The following MGAM variants were observed in gnomAD, a reference collection of about 807,000 sequenced individuals.
The protein encoded by MGAM is alpha-1,4-glucosidase.
In MGAM, 253 loss-of-function variants were observed where a neutral mutation model predicts 358.8. That is an observed-to-expected ratio of 0.71 (90% CI 0.64 to 0.78). The LOEUF (loss-of-function observed/expected upper bound fraction) is 0.78, where lower values mean the gene tolerates loss of function less well. Among genes scored for constraint, MGAM ranks in the 30% least tolerant of loss-of-function variants. The pLI, the probability that MGAM is intolerant of heterozygous loss-of-function variation, is 0.00. For missense variants in MGAM, 3,080 were observed against 3,432.6 expected (o/e 0.90, Z 2.57); for synonymous variants, 1,105 against 1,227.1 (o/e 0.90, Z 2.08).
In MGAM at chr7:142,093,356, G is replaced by A. The variant is rs1815576133; in HGVS notation, c.7034-56G>A. 6.0e-6 allele frequency: 9 copies of A among 1,494,622 alleles called. 2 individuals carry two copies. The highest frequency in any genetic ancestry group is 3.6e-5 in the South Asian group (3 of 82,954). The allele number at this position is 1,494,622 out of a possible 1,614,324, so 92.6% of individuals were successfully genotyped here. A position where few individuals can be genotyped will look rare whatever the true frequency, so the allele number is the denominator to read the frequency against. ...CCAGGGCCCAGTCCCTTGAAGAGAA[G>A]TCAGGGAGAAACAGAATCAGGGCTG... is the stretch of plus-strand genomic sequence containing the variant. On this transcript the variant is annotated intron_variant, in intron 59 of 70. Coordinates refer to ENST00000475668, the MANE Select transcript of MGAM (RefSeq NM_001365693.1).
Position 142,056,103 on chromosome 7 carries a change from C to A in MGAM, c.3580+7C>A, listed in dbSNP as rs1355773497. The A allele has an allele frequency of 9.4e-6, 15 of 1,594,512 alleles. No homozygotes were observed. The highest frequency in any genetic ancestry group is 1.3e-5 in the Non-Finnish European group (15 of 1,169,952). ...CTGAACAGCAATGCCATGGGTAAGG[C>A]CATCAGCACCTCCCTTATTTTGGGG... On this transcript the variant is annotated splice_region_variant and intron_variant, in intron 29 of 70. Coordinates refer to ENST00000475668, the MANE Select transcript of MGAM (RefSeq NM_001365693.1).
At position 142,032,834 on chromosome 7, in the gene MGAM, G is replaced by T. The variant is rs781979872; in HGVS notation, c.1594G>T (p.Glu532Ter). Residue 532 changes from glutamate to a stop codon, truncating the protein, a stop_gained, in exon 14 of 71, where the codon GAA becomes TAA. Transcript: ENST00000475668. LOFTEE classifies it high-confidence loss of function. ...EFDGIWIDMN[E>*]VSNFVDGSVS... ...GCTCTTTGTCTTGTAGGATATGAAT[G>T]AAGTCTCCAACTTTGTTGATGGTTC... 28 of 1,608,328 alleles carry T rather than the reference G, an allele frequency of 1.7e-5. No homozygotes were observed. The highest frequency in any genetic ancestry group is 2.4e-5 in the Non-Finnish European group (28 of 1,176,974).
Position 142,074,084 on chromosome 7 carries a change from G to A in MGAM, c.5187-1G>A. ...TGTCTCTTGAATCTTGTTCCCCACA[G>A]TCGAAAGAACCCTCTTGGTCTTATT... On this transcript the variant is annotated splice_acceptor_variant, in intron 44 of 70. Transcript: ENST00000475668. LOFTEE classifies it high-confidence loss of function. 6.5e-7 allele frequency: 1 copy of A among 1,531,478 alleles called. No homozygotes were observed. Among genetic ancestry groups the A allele is most frequent in the Non-Finnish European group, 9.0e-7 (1 of 1,114,058 alleles). The allele number at this position is 1,531,478 out of a possible 1,614,324, so 94.9% of individuals were successfully genotyped here. A position where few individuals can be genotyped will look rare whatever the true frequency, so the allele number is the denominator to read the frequency against.
intron 59 of MGAM, 32 bp from the exon 60 acceptor site, chr7:142,093,380 T>C (rs1815578052): frequency 1.3e-6 from 2 of 1,520,264 alleles, no homozygotes; most frequent in Non-Finnish European, 9.0e-7. Context: ...GAATCAGGGC[T>C]GGATTTCACC....
At chr7:142,050,965 C>A (rs1810896692) in intron 24 of MGAM, 101 bp downstream of exon 24, 2 of 1,486,804 alleles carry the variant, frequency 1.3e-6, no homozygotes, top group Admixed American at 1.9e-5. Flanking sequence ...GACCAGGGCA[C>A]CTTTGAGGCC....
chr7:142,065,232 C>A, intron 37 of MGAM, 103 bp from the exon 38 acceptor site: 2 of 1,465,940 alleles, frequency 1.4e-6, no homozygotes, highest in South Asian at 1.3e-5. Context: ...CCTCCAGTCA[C>A]GCAGCAAACA....
Position 142,088,811 on chromosome 7 carries a change from TA to T in MGAM, c.6810+2095del, listed in dbSNP as rs1173254908. ...TATCTATCTATCTATCATTCTATCC[TA>T]TCTATGTACCATCTATCTATCTATC... On this transcript the variant is annotated intron_variant, in intron 57 of 70. Coordinates refer to ENST00000475668, the MANE Select transcript of MGAM (RefSeq NM_001365693.1). 2.0e-4 allele frequency among the ~76,000 whole-genome samples: 24 copies of T among 119,252 alleles called. 3 individuals are homozygous for T. Among genetic ancestry groups the T allele is most frequent in the South Asian group, 1.7e-3 (6 of 3,554 alleles). The allele number at this position is 119,252 out of a possible 152,430, so 78.2% of individuals were successfully genotyped here.
Position 142,041,774 on chromosome 7 carries a change from A to G in MGAM, c.2498+928A>G, listed in dbSNP as rs946238283. ...TTGCCTGGTGTATTCTTAATGATCC[A>G]AATGAAACTTTACATTTCAGCAGCA... is the stretch of plus-strand genomic sequence containing the variant. On this transcript the variant is annotated intron_variant, in intron 21 of 70. Transcript: ENST00000475668. 2.3e-4 allele frequency among the ~76,000 whole-genome samples: 34 copies of G among 146,638 alleles called. 1 individual carries two copies. Among genetic ancestry groups the G allele is most frequent in the African/African-American group, 6.8e-4 (27 of 39,672 alleles).
chr7:142,048,286 C>G (rs1244847844), intron 22 of MGAM, among the ~76,000 whole-genome samples: 1 of 151,590 alleles, frequency 6.6e-6, no homozygotes, highest in Non-Finnish European at 1.5e-5. Flanking sequence ...CCGCGTAGGA[C>G]TACAGGTGCC....
At chr7:142,005,002 G>A (rs1554451876) in intron 1 of MGAM, among the ~76,000 whole-genome samples, 1 of 151,970 alleles carries the variant, frequency 6.6e-6, no homozygotes, top group South Asian at 2.1e-4. Flanking sequence ...AAACATGTTA[G>A]CATGCATAGA....
rs776287872 is a variant in MGAM, at chr7:142,085,853, C to T, written c.6528C>T (p.Ile2176=). Residue 2176 remains isoleucine, a synonymous_variant, in exon 55 of 71, where the codon ATC becomes ATT. Transcript: ENST00000475668. ...QIPYDVQYSD[I]DYMERQLDFT... ...CGCAGGACGTGCAGTACTCAGACATCGACTACATGGAGCGGCAGCTGGACT... is the reference window on the plus strand; with the variant it reads ...CGCAGGACGTGCAGTACTCAGACATTGACTACATGGAGCGGCAGCTGGACT... 6.5e-5 allele frequency: 102 copies of T among 1,565,262 alleles called. 17 individuals are homozygous for T. Among genetic ancestry groups the T allele is most frequent in the Middle Eastern group, 1.7e-4 (1 of 5,990 alleles).
At chr7:142,074,586 A>T (rs1813594920) in intron 45 of MGAM, among the ~76,000 whole-genome samples, 1 of 146,266 alleles carries the variant, frequency 6.8e-6, no homozygotes, top group Non-Finnish European at 1.5e-5. Flanking sequence ...TCAGCTAGCC[A>T]TACGTTTTAG....
chr7:142,084,739 A>G, intron 54 of MGAM, 95 bp downstream of exon 54: 1 of 1,434,096 alleles, frequency 7.0e-7, no homozygotes. Flanking sequence ...TTCTATAAAG[A>G]CATAATGTTC....
At chr7:142,053,974 C>A (rs1324474543) in intron 26 of MGAM, among the ~76,000 whole-genome samples, 1 of 152,122 alleles carries the variant, frequency 6.6e-6, no homozygotes, top group Non-Finnish European at 1.5e-5. Context: ...AAAATATGTG[C>A]CTCTTTCTGG....
At chr7:142,088,868 TCTAA>T (rs1475297426) in intron 57 of MGAM, among the ~76,000 whole-genome samples, 1 of 138,642 alleles carries the variant, frequency 7.2e-6, no homozygotes, top group African/African-American at 2.5e-5. Context: ...TATCTATCTA[TCTAA>T]TCTATCTCCA....
At chr7:142,098,884 T>C (rs1476374207) in intron 66 of MGAM, among the ~76,000 whole-genome samples, 4 of 152,254 alleles carry the variant, frequency 2.6e-5, no homozygotes, top group African/African-American at 7.2e-5. Context: ...ATAGTTAATA[T>C]TAATGAAGAA....
chr7:142,026,786 C>T (rs1807012343), intron 8 of MGAM, among the ~76,000 whole-genome samples: 1 of 152,102 alleles, frequency 6.6e-6, no homozygotes, highest in Admixed American at 6.6e-5. Flanking sequence ...GCCTTTGGTC[C>T]AAAATAATTT....
At chr7:142,025,217 AT>A (rs1441110904) in intron 8 of MGAM, 68 bp downstream of exon 8, 7 of 1,184,990 alleles carry the variant, frequency 5.9e-6, no homozygotes, top group Non-Finnish European at 8.8e-6. Context: ...CAGCACTATG[AT>A]AAAAGGAATG....
Position 142,065,779 on chromosome 7 carries a change from A to C in MGAM, c.4718A>C (p.Gln1573Pro). Residue 1573 changes from glutamine to proline, a missense_variant, in exon 40 of 71, where the codon CAG (glutamine) becomes CCG (proline). By Grantham distance (76) the Gln-to-Pro change is moderately conservative (BLOSUM62 -1). This residue lies in a region of MGAM where 134 missense variants were observed against 198.4 expected (regional missense o/e 0.68). Transcript: ENST00000475668. ...AEYEMCVRWM[Q>P]LGAFYPFSRN... Reference sequence around the variant, plus strand: ...TACGAGATGTGTGTTCGCTGGATGCAGCTGGGGGCCTTTTACCCCTTCTCA... The same window carrying C: ...TACGAGATGTGTGTTCGCTGGATGCCGCTGGGGGCCTTTTACCCCTTCTCA... 6.4e-7 allele frequency: 1 copy of C among 1,556,300 alleles called. No homozygotes were observed. Among genetic ancestry groups the C allele is most frequent in the Non-Finnish European group, 8.8e-7 (1 of 1,132,692 alleles).
Sources: allele counts gnomAD v4.1 joint callset (sites outside exome capture counted in the v4.1 genomes callset), GRCh38; gene constraint gnomAD v4.1.1; regional missense constraint gnomAD v4.1.1; transcripts MANE v1.5; gene names NCBI Gene and HGNC (gene_info 2026-07-23, HGNC 2026-07-21).